Variants in TMPRSS9 observed in about 807,000 individuals in gnomAD.
TMPRSS9 encodes transmembrane serine protease 9.
In TMPRSS9, 113 loss-of-function variants were observed where a neutral mutation model predicts 111.4. The ratio of observed to expected loss-of-function variants is 1.01; its 90% confidence interval spans 0.87 to 1.19. The LOEUF (loss-of-function observed/expected upper bound fraction) is 1.19. Among genes scored for constraint, TMPRSS9 ranks in the 50% most tolerant of loss-of-function variants. The pLI is 0.00. For missense variants in TMPRSS9, 1,803 were observed against 1,513.1 expected, an observed-to-expected ratio of 1.19 and a Z score of -3.18; for synonymous variants, 805 against 659.1, an observed-to-expected ratio of 1.22 and a Z score of -3.39.
chr19:2,413,667 G>T (rs763307575), intron 9 of TMPRSS9, 33 bp from the exon 11 acceptor site: 1 of 1,575,326 alleles, frequency 6.3e-7, no homozygotes, highest in South Asian at 1.1e-5. Context: ...GGCTGCTGCC[G>T]ACCCATCCTG....
chr19:2,425,826 C>T (rs987991816), intron 17 of TMPRSS9, 101 bp from the exon 19 acceptor site: 17 of 1,439,894 alleles, frequency 1.2e-5, no homozygotes, highest in Admixed American at 2.5e-5. Flanking sequence ...ATGCGGCTCC[C>T]AGGGGAAGTC....
At chr19:2,398,268 C>T (rs529165975) in intron 2 of TMPRSS9, among the ~76,000 whole-genome samples, 1 of 150,536 alleles carries the variant, frequency 6.6e-6, no homozygotes, top group East Asian at 2.0e-4. Context: ...TGCACTCCAC[C>T]CCAGGCGACA....
chr19:2,401,886 G>C, intron 4 of TMPRSS9, 89 bp from the exon 6 acceptor site: 3 of 1,167,310 alleles, frequency 2.6e-6, no homozygotes, highest in Non-Finnish European at 3.6e-6. Context: ...GGGATTACAG[G>C]TGTGAGCCAC....
upstream of TMPRSS9, among the ~76,000 whole-genome samples, chr19:2,385,027 C>A (rs976305110): frequency 8.0e-5 from 12 of 150,846 alleles, no homozygotes; most frequent in Non-Finnish European, 1.6e-4. Context: ...GTGGCCTACA[C>A]CTGTAATCCT....
At chr19:2,383,939 A>G (rs1195376806) in intron 1 of TMPRSS9, among the ~76,000 whole-genome samples, 1 of 152,122 alleles carries the variant, frequency 6.6e-6, no homozygotes, top group Non-Finnish European at 1.5e-5. Flanking sequence ...TCCCAGGGAC[A>G]CACTTAGGCT....
upstream of TMPRSS9, among the ~76,000 whole-genome samples, chr19:2,389,264 G>C (rs1356898645): frequency 6.6e-6 from 1 of 150,832 alleles, no homozygotes; most frequent in Non-Finnish European, 1.5e-5. Context: ...TAGTAGAGAT[G>C]GGGTTTCACC....
chr19:2,403,353 G>C (rs1970896242), intron 6 of TMPRSS9, among the ~76,000 whole-genome samples, 158 bp downstream of exon 7: 1 of 152,148 alleles, frequency 6.6e-6, no homozygotes, highest in Non-Finnish European at 1.5e-5. Context: ...CATGGTATGG[G>C]GAGAAACATG....
intron 11 of TMPRSS9, 101 bp from the exon 13 acceptor site, chr19:2,416,437 G>A (rs1353111969): frequency 6.8e-7 from 1 of 1,474,862 alleles, no homozygotes; most frequent in Non-Finnish European, 9.0e-7. Context: ...GGCCCAGGCA[G>A]CCCTGTGTGG....
chr19:2,393,830 G>T (rs1970650116), intron 1 of TMPRSS9, among the ~76,000 whole-genome samples: 1 of 150,062 alleles, frequency 6.7e-6, no homozygotes, highest in South Asian at 2.1e-4. Flanking sequence ...CCCGGGAAGT[G>T]GAGGTTGCAG....
At chr19:2,412,390 T>G (rs1345638032) in intron 9 of TMPRSS9, among the ~76,000 whole-genome samples, 1 of 152,056 alleles carries the variant, frequency 6.6e-6, no homozygotes, top group East Asian at 1.9e-4. Flanking sequence ...AGTGACAGAG[T>G]GAGACGCCGT....
intron 4 of TMPRSS9, among the ~76,000 whole-genome samples, chr19:2,401,336 G>A (rs927144944): frequency 3.3e-5 from 5 of 151,964 alleles, no homozygotes; most frequent in South Asian, 2.1e-4. Context: ...CCCACCAACC[G>A]TCACATGCTG....
chr19:2,385,200 TCGA>T (rs1273631006), upstream of TMPRSS9, among the ~76,000 whole-genome samples: 267 of 28,328 alleles, frequency 9.4e-3, 2 homozygotes, highest in African/African-American at 0.037. Context: ...GGGGCGGGGC[TCGA>T]GGGGGCGGGG....
intron 1 of TMPRSS9, among the ~76,000 whole-genome samples, chr19:2,361,625 G>C (rs1970199598): frequency 6.6e-6 from 1 of 152,138 alleles, no homozygotes. Flanking sequence ...GCATGACCGG[G>C]AATGACCCAC....
intron 15 of TMPRSS9, among the ~76,000 whole-genome samples, 187 bp downstream of exon 16, chr19:2,424,444 T>C (rs1181204846): frequency 1.5e-5 from 1 of 66,492 alleles, no homozygotes; most frequent in Non-Finnish European, 3.0e-5. Context: ...AGCCCTCCCC[T>C]GACCACCCAC....
intron 7 of TMPRSS9, among the ~76,000 whole-genome samples, chr19:2,407,878 G>A (rs373364890): frequency 1.3e-5 from 2 of 151,874 alleles, no homozygotes; most frequent in Admixed American, 6.6e-5. Context: ...TCCACCTCCC[G>A]GGTTCAAGCA....
chr19:2,368,584 G>C (rs12975085), intron 1 of TMPRSS9, among the ~76,000 whole-genome samples: 39,051 of 151,662 alleles, frequency 0.26, 5,275 homozygotes, highest in Middle Eastern at 0.38. Context: ...GTCTCCCTGA[G>C]GCTTCCCGTT....
At chr19:2,389,847 T>G (rs751658750) in exon 1 of TMPRSS9, 1 of 1,614,078 alleles carries the variant, frequency 6.2e-7, no homozygotes, top group South Asian at 1.1e-5. Context: ...GTCCCCGCTC[T>G]GGATGCCGCG....
At chr19:2,362,911 T>A (rs1423101623) in intron 1 of TMPRSS9, among the ~76,000 whole-genome samples, 1 of 151,826 alleles carries the variant, frequency 6.6e-6, no homozygotes, top group East Asian at 1.9e-4. Context: ...AGGTTGTGTG[T>A]GGTAATGTGT....
chr19:2,419,578 G>A (rs1433711222), intron 13 of TMPRSS9, among the ~76,000 whole-genome samples: 3 of 151,114 alleles, frequency 2.0e-5, no homozygotes, highest in Middle Eastern at 3.4e-3. Flanking sequence ...GTGTAGTGGC[G>A]TGATCTCGGC....
Sources: allele counts gnomAD v4.1 joint callset (sites outside exome capture counted in the v4.1 genomes callset), GRCh38; gene constraint gnomAD v4.1.1; transcripts MANE v1.5; gene names NCBI Gene and HGNC (gene_info 2026-07-23, HGNC 2026-07-21).